The following CCSER2 variants were observed in gnomAD, a reference collection of about 807,000 sequenced individuals.
The protein encoded by CCSER2 is serine-rich coiled-coil domain-containing protein 2.
A neutral mutation model predicts 92.3 loss-of-function variants in CCSER2; 46 were observed. That is an observed-to-expected ratio of 0.50 (90% CI 0.39 to 0.64). CCSER2 has a LOEUF of 0.64. Ranked by LOEUF, CCSER2 falls within the 30% of genes least tolerant of loss-of-function variation. The pLI is 0.00. For missense variants in CCSER2, 1,244 were observed against 1,238.9 expected (o/e 1.00, Z -0.06); for synonymous variants, 433 against 431.4 (o/e 1.00, Z -0.04).
intron 9 of CCSER2, chr10:84,500,110 T>G: frequency 1.0e-6 from 1 of 994,784 alleles, no homozygotes; most frequent in Non-Finnish European, 1.5e-6. Flanking sequence ...GTCTCCTCTC[T>G]TAACACTTCC....
chr10:84,387,689 T>C (rs968350294), intron 3 of CCSER2, among the ~76,000 whole-genome samples: 1 of 151,864 alleles, frequency 6.6e-6, no homozygotes, highest in Admixed American at 6.6e-5. Flanking sequence ...CCACTACGCC[T>C]GGCTATTTTT....
chr10:84,340,275 G>C (rs1326943627), intron 1 of CCSER2, among the ~76,000 whole-genome samples: 1 of 152,084 alleles, frequency 6.6e-6, no homozygotes, highest in South Asian at 2.1e-4. Context: ...AACATTATGA[G>C]GTTTTTTTGT....
Position 84,438,522 on chromosome 10 carries a change from T to G in CCSER2, c.1879T>G (p.Tyr627Asp). The G allele has an allele frequency of 6.2e-7, 1 of 1,604,500 alleles. No individual in the cohort carries two copies. The highest frequency in any genetic ancestry group is 1.1e-5 in the South Asian group (1 of 89,792). ...TCCCTGCCCTTCCAGAGGCTCTCCC[T>G]ATAGAGAATCTCCTTTGGGTCATTT... ...GKSDLSRGSP[Y>D]RESPLGHFES... The change falls in exon 6 of 10, where the codon TAT becomes GAT. Residue 627 changes from tyrosine (Y) to aspartate (D), a missense_variant. By Grantham distance (160) the Tyr-to-Asp change is radical. Coordinates refer to ENST00000372088, the MANE Select transcript of CCSER2 (RefSeq NM_001284240.2).
chr10:84,464,092 A>G, intron 7 of CCSER2, 76 bp downstream of exon 7: 1 of 750,618 alleles, frequency 1.3e-6, no homozygotes, highest in Non-Finnish European at 2.2e-6. Flanking sequence ...GACAATGAAA[A>G]CAATAATAAA....
intron 6 of CCSER2, chr10:84,455,929 G>T: frequency 1.5e-6 from 1 of 677,924 alleles, no homozygotes; most frequent in Non-Finnish European, 2.8e-6. Context: ...GTTGCATCTT[G>T]TTCTGGATTT....
chr10:84,375,573 T>C (rs1846288223), intron 3 of CCSER2, among the ~76,000 whole-genome samples: 1 of 151,102 alleles, frequency 6.6e-6, no homozygotes, highest in African/African-American at 2.4e-5. Flanking sequence ...CTTTCCATCA[T>C]TACTTAGTGA....
At chr10:84,457,193 C>A (rs1475598394) in intron 6 of CCSER2, among the ~76,000 whole-genome samples, 1 of 118,954 alleles carries the variant, frequency 8.4e-6, no homozygotes, top group Non-Finnish European at 1.7e-5. Context: ...TCTTCCAGTC[C>A]ATGTCTTCTT....
chr10:84,338,624 A>G (rs879561237), intron 1 of CCSER2, among the ~76,000 whole-genome samples: 9 of 152,204 alleles, frequency 5.9e-5, no homozygotes, highest in Non-Finnish European at 1.2e-4. Context: ...TAGTAGCTTC[A>G]AAATTTTGAT....
intron 6 of CCSER2, among the ~76,000 whole-genome samples, chr10:84,439,659 ACTT>A (rs1368923428): frequency 6.6e-6 from 1 of 152,212 alleles, no homozygotes; most frequent in African/African-American, 2.4e-5. Context: ...CTTCTGTACT[ACTT>A]CTCTCCATTC....
intron 8 of CCSER2, chr10:84,473,201 G>T (rs1355758829): frequency 1.3e-5 from 2 of 152,104 alleles, no homozygotes; most frequent in African/African-American, 4.8e-5. Context: ...AATCATATTT[G>T]TCATAAAAGA....
At chr10:84,454,100 G>A (rs142667853) in intron 6 of CCSER2, among the ~76,000 whole-genome samples, 5 of 152,254 alleles carry the variant, frequency 3.3e-5, no homozygotes, top group East Asian at 1.9e-4. Context: ...AAACCAAGGC[G>A]TTGTCATCAG....
chr10:84,488,622 T>A (rs985713802), intron 9 of CCSER2, among the ~76,000 whole-genome samples: 6 of 152,214 alleles, frequency 3.9e-5, no homozygotes, highest in African/African-American at 1.2e-4. Context: ...TATTTGATTC[T>A]TCTCTCTTTT....
intron 1 of CCSER2, among the ~76,000 whole-genome samples, chr10:84,364,736 A>ATTTTTTTTGTTT (rs1564600678): frequency 1.7e-5 from 2 of 114,612 alleles, no homozygotes; most frequent in Non-Finnish European, 3.9e-5. Flanking sequence ...GTATTTTTGA[A>ATTTTTTTTGTTT]TTTTTTTTTG....
chr10:84,329,921 A>T lies in CCSER2; in HGVS notation c.-40+1113A>T, dbSNP rs112967900. 2.4e-3 allele frequency among the ~76,000 whole-genome samples: 360 copies of T among 152,350 alleles called. 1 individual carries two copies. Among genetic ancestry groups the T allele is most frequent in the African/African-American group, 7.9e-3 (330 of 41,578 alleles). Reference sequence around the variant, plus strand: ...GTTCTAAACAACATTGGCTTCAAATAATCTTCAGGTTAAAAATGCACACTT... The same window carrying T: ...GTTCTAAACAACATTGGCTTCAAATTATCTTCAGGTTAAAAATGCACACTT... On this transcript the variant is annotated intron_variant, in intron 1 of 9. Transcript: ENST00000372088.
intron 6 of CCSER2, among the ~76,000 whole-genome samples, chr10:84,461,756 C>A (rs1193140644): frequency 6.6e-6 from 1 of 151,324 alleles, no homozygotes; most frequent in East Asian, 1.9e-4. Flanking sequence ...AAAATCTCTT[C>A]CAGTTCTACC....
chr10:84,454,350 A>G (rs61866493), intron 6 of CCSER2, among the ~76,000 whole-genome samples: 22,914 of 152,110 alleles, frequency 0.15, 1,848 homozygotes, highest in Admixed American at 0.24. Flanking sequence ...ACTTGATTAC[A>G]TCGTAAAGGC....
At chr10:84,510,128 C>A (rs1458216142) in intron 9 of CCSER2, among the ~76,000 whole-genome samples, 3 of 152,072 alleles carry the variant, frequency 2.0e-5, no homozygotes, top group Admixed American at 6.6e-5. Context: ...AGGAGCTGGC[C>A]CTTAGCTATG....
At chr10:84,490,234 C>A (rs920807781) in intron 9 of CCSER2, among the ~76,000 whole-genome samples, 1 of 152,114 alleles carries the variant, frequency 6.6e-6, no homozygotes, top group Non-Finnish European at 1.5e-5. Context: ...TTGCTCTTCT[C>A]GAGGATTATC....
intron 1 of CCSER2, among the ~76,000 whole-genome samples, chr10:84,362,146 C>T (rs1445827185): frequency 2.6e-5 from 4 of 152,092 alleles, no homozygotes; most frequent in African/African-American, 9.7e-5. Context: ...TGTTACTGTT[C>T]TTCCTGATGC....
Sources: gnomAD v4.1 joint callset for allele counts (sites outside exome capture counted in the v4.1 genomes callset) on GRCh38, gnomAD v4.1.1 for gene constraint, MANE v1.5 for transcripts, NCBI Gene and HGNC (gene_info 2026-07-23, HGNC 2026-07-21) for gene names.